Variants in GSE1 observed in about 807,000 individuals in gnomAD.
GSE1 encodes the protein Gse1 coiled-coil protein.
Under a neutral mutation model 112.6 loss-of-function variants are expected in GSE1, and 32 were observed. That is an observed-to-expected ratio of 0.28 (90% CI 0.21 to 0.38). The LOEUF is 0.38. Among genes scored for constraint, GSE1 ranks in the 10% least tolerant of loss-of-function variants. The pLI, the probability that GSE1 is intolerant of heterozygous loss-of-function variation, is 1.00. For missense variants in GSE1, 2,348 were observed against 1,699.2 expected, an observed-to-expected ratio of 1.38 and a Z score of -6.71; for synonymous variants, 1,115 against 735.6, an observed-to-expected ratio of 1.52 and a Z score of -8.35.
chr16:85,549,847 C>T (rs1006041850), intron 2 of GSE1, among the ~76,000 whole-genome samples: 9 of 152,186 alleles, frequency 5.9e-5, no homozygotes, highest in African/African-American at 1.7e-4. Flanking sequence ...TCAGCATCTT[C>T]ATGCACAAAA....
intron 1 of GSE1, among the ~76,000 whole-genome samples, chr16:85,287,169 G>A (rs1022455742): frequency 4.6e-5 from 7 of 152,222 alleles, no homozygotes; most frequent in Admixed American, 1.3e-4. Context: ...GGCGAGTGCC[G>A]GGGTCTGTTT....
In GSE1 at chr16:85,460,869, G is replaced by A. The variant is rs79842760; in HGVS notation, c.2464+103226G>A. Reference sequence around the variant, plus strand: ...CAGAGCAGTTCAGACCCAGGGGACCGTGAGAGTGGGCTGCAAATCAGGACG... The same window carrying A: ...CAGAGCAGTTCAGACCCAGGGGACCATGAGAGTGGGCTGCAAATCAGGACG... On this transcript the variant is annotated intron_variant, in intron 2 of 2. Coordinates refer to the GSE1 transcript ENST00000637419. Among the ~76,000 whole-genome samples, 476 of 152,346 alleles carry A rather than the reference G, an allele frequency of 3.1e-3. 18 individuals carry two copies. The East Asian group carries it at 0.056, about 18-fold the overall frequency.
rs779550189 is a variant in GSE1, at chr16:85,665,007, T to C, written c.2645-8T>C. ...TGGCTCGTTAATCTCAGGCTGCTTTTCTCATAGACAAAGAGAGACTTGTTG... is the reference window on the plus strand; with the variant it reads ...TGGCTCGTTAATCTCAGGCTGCTTTCCTCATAGACAAAGAGAGACTTGTTG... On this transcript the variant is annotated splice_region_variant and splice_polypyrimidine_tract_variant and intron_variant, in intron 11 of 15. Coordinates refer to ENST00000253458, the MANE Select transcript of GSE1 (RefSeq NM_014615.5). 6.4e-7 allele frequency: 1 copy of C among 1,568,922 alleles called. No individual in the cohort carries two copies. The highest frequency in any genetic ancestry group is 1.1e-5 in the South Asian group (1 of 90,030).
intron 2 of GSE1, among the ~76,000 whole-genome samples, chr16:85,539,775 C>CGGAT (rs2044457794): frequency 6.6e-6 from 1 of 152,182 alleles, no homozygotes; most frequent in Non-Finnish European, 1.5e-5. Flanking sequence ...CCAGAACAGG[C>CGGAT]GGATGGCTGC....
At chr16:85,637,121 C>T (rs985126094) in intron 2 of GSE1, among the ~76,000 whole-genome samples, 4 of 152,228 alleles carry the variant, frequency 2.6e-5, no homozygotes, top group African/African-American at 9.6e-5. Context: ...CCATCTAATT[C>T]TAGAACATTT....
At chr16:85,492,782 G>C (rs1597941619) in intron 2 of GSE1, among the ~76,000 whole-genome samples, 1 of 152,090 alleles carries the variant, frequency 6.6e-6, no homozygotes. Context: ...GTGCCTTTCT[G>C]TTCCTTCCTG....
Position 85,669,060 on chromosome 16 carries a change from G to T in GSE1, c.3415+636G>T, listed in dbSNP as rs530962121. ...ACTCAGGCCACATCTCCCCTGCCAGGGAGTGGGGCCACGAAGTTGGGCGTT... is the reference window on the plus strand; with the variant it reads ...ACTCAGGCCACATCTCCCCTGCCAGTGAGTGGGGCCACGAAGTTGGGCGTT... On this transcript the variant is annotated intron_variant, in intron 14 of 15. Coordinates refer to ENST00000253458, the MANE Select transcript of GSE1 (RefSeq NM_014615.5). Among the ~76,000 whole-genome samples, 36 of 152,376 alleles carry T rather than the reference G, an allele frequency of 2.4e-4. 1 individual carries two copies. The South Asian group carries it at 7.0e-3, about 30-fold the overall frequency.
At position 85,476,957 on chromosome 16, in the gene GSE1, G is replaced by C. The variant is rs561353124; in HGVS notation, c.2464+119314G>C. On this transcript the variant is annotated intron_variant, in intron 2 of 2. Coordinates refer to the GSE1 transcript ENST00000637419. Reference sequence around the variant, plus strand: ...TTTTTTTTTTTTGAGCTGGGGTCTTGCTTTGTTGACCAACTGGAGTGCAGT... The same window carrying C: ...TTTTTTTTTTTTGAGCTGGGGTCTTCCTTTGTTGACCAACTGGAGTGCAGT... Among the ~76,000 whole-genome samples the C allele has an allele frequency of 7.4e-5, 9 of 121,548 alleles. No individual in the cohort carries two copies. In the South Asian group the frequency reaches 1.8e-3, roughly 24 times the overall value. 79.7% of individuals were successfully genotyped at this position (121,548 alleles called of 152,430 possible). A position where few individuals can be genotyped will look rare whatever the true frequency, so the allele number is the denominator to read the frequency against.
At chr16:85,235,303 G>A (rs1283239293) in intron 1 of GSE1, among the ~76,000 whole-genome samples, 1 of 151,674 alleles carries the variant, frequency 6.6e-6, no homozygotes, top group African/African-American at 2.4e-5. Flanking sequence ...CCCACTGCTG[G>A]GGGGTGACGG....
chr16:85,474,826 T>G lies in GSE1; in HGVS notation c.2464+117183T>G, dbSNP rs181198803. ...GAAGAAAGATGCCATGAAGCCCTTG[T>G]GCCAGTTTCCGAAAAGAATGTTGCT... On this transcript the variant is annotated intron_variant, in intron 2 of 2. Coordinates refer to the GSE1 transcript ENST00000637419. Among the ~76,000 whole-genome samples the G allele has an allele frequency of 2.6e-5, 4 of 152,188 alleles. No homozygotes were observed. The East Asian group carries it at 7.8e-4, about 30-fold the overall frequency.
At position 85,656,484 on chromosome 16, in the gene GSE1, T is replaced by C. The variant is rs1323552664; in HGVS notation, c.1131T>C (p.Arg377=). Residue 377 remains arginine, a synonymous_variant, in exon 7 of 16, where the codon CGT becomes CGC. Coordinates refer to ENST00000253458, the MANE Select transcript of GSE1 (RefSeq NM_014615.5). ...GCGAGCAAGAGAAGGAGCGTGAGCG[T>C]GAGAAGGAGCGCGAGCGCGAGCTGG... ...KEREQEKERE[R]EKERERELER... 6 of 1,519,880 alleles carry C rather than the reference T, an allele frequency of 3.9e-6. No individual in the cohort carries two copies. Among genetic ancestry groups the C allele is most frequent in the Non-Finnish European group, 5.3e-6 (6 of 1,122,552 alleles). The allele number at this position is 1,519,880 out of a possible 1,614,324, so 94.1% of individuals were successfully genotyped here.
chr16:85,536,905 C>G (rs769804437), intron 2 of GSE1, among the ~76,000 whole-genome samples: 1 of 152,186 alleles, frequency 6.6e-6, no homozygotes, highest in Non-Finnish European at 1.5e-5. Flanking sequence ...ATGGAACCGG[C>G]GAGGAATGGT....
rs2050050466 is a variant in GSE1 at position 85,463,890 on chromosome 16, C to T, written c.2464+106247C>T. Among the ~76,000 whole-genome samples the T allele has an allele frequency of 3.3e-5, 5 of 152,258 alleles. No individual in the cohort carries two copies. In the South Asian group the frequency reaches 1.0e-3, roughly 32 times the overall value. ...CTGAGGTCCTCAGGCTGAGGGGCGG[C>T]CAGAGTGAGGGATGGAGAGAAGCCT... On this transcript the variant is annotated intron_variant, in intron 2 of 2. Transcript: ENST00000637419.
intron 2 of GSE1, among the ~76,000 whole-genome samples, chr16:85,414,241 A>G (rs1402495364): frequency 6.6e-6 from 1 of 152,220 alleles, no homozygotes; most frequent in African/African-American, 2.4e-5. Flanking sequence ...CTTACTCGGA[A>G]ACATCAGATA....
At chr16:85,245,381 C>A (rs1030000542) in intron 1 of GSE1, among the ~76,000 whole-genome samples, 2 of 152,184 alleles carry the variant, frequency 1.3e-5, no homozygotes, top group African/African-American at 4.8e-5. Flanking sequence ...GGGAAGTTCG[C>A]TTGCTGTGTG....
At chr16:85,189,390 T>C (rs2074777173) in intron 1 of GSE1, among the ~76,000 whole-genome samples, 1 of 152,242 alleles carries the variant, frequency 6.6e-6, no homozygotes, top group South Asian at 2.1e-4. Context: ...ATTGTTTTTC[T>C]TTTGTGCATT....
intron 1 of GSE1, among the ~76,000 whole-genome samples, chr16:85,245,842 C>A (rs560527517): frequency 5.9e-5 from 9 of 152,126 alleles, no homozygotes; most frequent in Non-Finnish European, 1.2e-4. Context: ...CCTGAACTTT[C>A]CTGGTCCTCA....
chr16:85,377,784 A>G (rs1438803644), intron 2 of GSE1, among the ~76,000 whole-genome samples: 2 of 152,192 alleles, frequency 1.3e-5, no homozygotes, highest in East Asian at 3.9e-4. Flanking sequence ...GGGTTGCAGG[A>G]GGAGGCTCCC....
chr16:85,366,017 C>G (rs74031802), intron 2 of GSE1, among the ~76,000 whole-genome samples: 11,405 of 152,284 alleles, frequency 0.075, 1,407 homozygotes, highest in African/African-American at 0.25. Flanking sequence ...CTGGCAGCGA[C>G]AGAGAGCTGG....
Sources: allele counts gnomAD v4.1 joint callset (sites outside exome capture counted in the v4.1 genomes callset), GRCh38; gene constraint gnomAD v4.1.1; transcripts MANE v1.5; gene names NCBI Gene and HGNC (gene_info 2026-07-23, HGNC 2026-07-21).